AUP1: variants seen among roughly 807,000 people sequenced by gnomAD.
AUP1 encodes the protein lipid droplet-regulating VLDL assembly factor AUP1.
A neutral mutation model predicts 51.8 loss-of-function variants in AUP1; 30 were observed. The observed-to-expected ratio is 0.58, with a 90% CI of 0.43 to 0.79. The LOEUF (loss-of-function observed/expected upper bound fraction) is 0.79. Among genes scored for constraint, AUP1 ranks in the 30% least tolerant of loss-of-function variants. AUP1 has a pLI of 0.00. For synonymous variants in AUP1, 227 were observed against 209.0 expected (o/e 1.09, Z -0.74); for missense variants, 492 against 517.1 (o/e 0.95, Z 0.47).
chr2:74,526,656 A>G lies in AUP1; in HGVS notation c.*144T>C. The G allele has an allele frequency of 9.3e-7, 1 of 1,077,462 alleles. No homozygotes were observed. Among genetic ancestry groups the G allele is most frequent in the South Asian group, 1.8e-5 (1 of 54,156 alleles). 66.7% of individuals were successfully genotyped at this position (1,077,462 alleles called of 1,614,324 possible). A position where few individuals can be genotyped will look rare whatever the true frequency, so the allele number is the denominator to read the frequency against. Reference sequence around the variant, plus strand: ...CCGAGAGAGACAACAGATGCCTTGAATGAAAACCATGAATTTAATGTGACA... The same window carrying G: ...CCGAGAGAGACAACAGATGCCTTGAGTGAAAACCATGAATTTAATGTGACA... On this transcript the variant is annotated 3_prime_UTR_variant, in exon 12 of 12. Transcript: ENST00000377526.
At chr2:74,527,179 G>A (rs1323582393) in intron 10 of AUP1, 69 bp downstream of exon 10, 4 of 1,599,336 alleles carry the variant, frequency 2.5e-6, no homozygotes, top group Non-Finnish European at 3.4e-6. Flanking sequence ...AAAGGTCAGG[G>A]ATAAGGGAGT....
chr2:74,526,812 C>T lies in AUP1; in HGVS notation c.1221G>A (p.Gln407=), dbSNP rs1675208172. Residue 407 remains glutamine (Q), a synonymous_variant, in exon 12 of 12, where the codon CAG becomes CAA. Transcript: ENST00000377526. The stretch of plus-strand genomic sequence containing the variant: ...TGTTCCTTTGAGCTCAGTCAGCCTC[C>T]TGGGCTCGTCTCTCTGTGAATCTCC... ...ARRRFTERRA[Q]EAD 1 of 1,547,094 alleles carries T rather than the reference C, an allele frequency of 6.5e-7. No homozygotes were observed. Among genetic ancestry groups the T allele is most frequent in the African/African-American group, 1.4e-5 (1 of 72,944 alleles).
chr2:74,529,234 C>T lies in AUP1; in HGVS notation c.237G>A (p.Gln79=). 1 of 1,614,224 alleles carries T rather than the reference C, an allele frequency of 6.2e-7. No homozygotes were observed. Among genetic ancestry groups the T allele is most frequent in the African/African-American group, 1.3e-5 (1 of 75,070 alleles). Residue 79 remains glutamine (Q), a synonymous_variant, in exon 3 of 12, where the codon CAG becomes CAA. Transcript: ENST00000377526. ...MCAVLGLVAR[Q]EDSGLRDHSV... Reference sequence around the variant, plus strand: ...TGTGATCCCGGAGTCCGGAGTCCTCCTGCCGGGCCACGAGCCCTAGCACCG... The same window carrying T: ...TGTGATCCCGGAGTCCGGAGTCCTCTTGCCGGGCCACGAGCCCTAGCACCG...
At position 74,529,168 on chromosome 2, in the gene AUP1, G is replaced by A. The variant is rs2104359389; in HGVS notation, c.303C>T (p.Asp101=). The A allele has an allele frequency of 6.2e-7, 1 of 1,614,232 alleles. No individual in the cohort carries two copies. The change falls in exon 3 of 12, where the codon GAC becomes GAT. Residue 101 remains aspartate, a synonymous_variant. Coordinates refer to ENST00000377526, the MANE Select transcript of AUP1 (RefSeq NM_181575.5). ...VLISNHVTPF[D]HNIVNLLTTC... ...TGGTAAGCAAATTGACTATGTTGTG[G>A]TCGAAAGGTGTCACATGGTTGGAAA...
chr2:74,527,006 C>G lies in AUP1; in HGVS notation c.1131G>C (p.Lys377Asn). The part of the protein sequence containing the change: ...TPQPTALTFA[K>N]SSWARQESLQ... ...GGCTCTCCTGCCGGGCCCAGGAAGA[C>G]TTGGCAAATGTTAGGGCTGTTGGCT... is the stretch of plus-strand genomic sequence containing the variant. The change falls in exon 11 of 12, where the codon AAG becomes AAC. Residue 377 changes from lysine to asparagine, a missense_variant. Lys to Asn is a moderately conservative substitution (Grantham distance 94). Transcript: ENST00000377526. 3 of 1,614,156 alleles carry G rather than the reference C, an allele frequency of 1.9e-6. No individual in the cohort carries two copies. The highest frequency in any genetic ancestry group is 2.5e-6 in the Non-Finnish European group (3 of 1,180,032).
Position 74,529,655 on chromosome 2 carries a change from C to A in AUP1, c.-26G>T, listed in dbSNP as rs1436047454. 1 of 1,546,602 alleles carries A rather than the reference C, an allele frequency of 6.5e-7. No homozygotes were observed. Among genetic ancestry groups the A allele is most frequent in the Non-Finnish European group, 8.7e-7 (1 of 1,148,336 alleles). ...AACTGCTGCTTCAGGAGCGCCCGGC[C>A]GTCGCCGCCGCCGCCATTTTCGCGC... On this transcript the variant is annotated 5_prime_UTR_variant, in exon 1 of 12. Transcript: ENST00000377526.
In AUP1 at chr2:74,526,734, G is replaced by A. The variant is rs1675204128; in HGVS notation, c.*66C>T. The A allele has an allele frequency of 3.4e-6, 5 of 1,488,402 alleles. No individual in the cohort carries two copies. In the South Asian group the frequency reaches 6.9e-5, roughly 20 times the overall value. 92.2% of individuals were successfully genotyped at this position (1,488,402 alleles called of 1,614,324 possible). The stretch of plus-strand genomic sequence containing the variant: ...ACCACCCACCCATCCAGCCTGTTGT[G>A]AGTTGGGTGAGGGCTGCCCCCAGTC... On this transcript the variant is annotated 3_prime_UTR_variant, in exon 12 of 12. Coordinates refer to ENST00000377526, the MANE Select transcript of AUP1 (RefSeq NM_181575.5).
rs777964822 is a variant in AUP1, at chr2:74,527,950, C to G, written c.728G>C (p.Arg243Pro). 1.2e-6 allele frequency: 2 copies of G among 1,614,078 alleles called. No homozygotes were observed. ...TGTGCACCCGACCACCTGTTGTACA[C>G]GGAGTGCAAACTCCTCATTCGCTTC... is the stretch of plus-strand genomic sequence containing the variant. Reference protein sequence around the residue: ...LGEANEEFALRVQQLVAKELG... With the variant: ...LGEANEEFALPVQQLVAKELG... Residue 243 changes from arginine (R) to proline (P), a missense_variant, in exon 7 of 12, where the codon CGT (arginine) becomes CCT (proline). Arg to Pro is a moderately radical substitution (Grantham distance 103). Coordinates refer to ENST00000377526, the MANE Select transcript of AUP1 (RefSeq NM_181575.5).
chr2:74,526,943 T>G lies in AUP1; in HGVS notation c.1194A>C (p.Arg398Ser). 1 of 1,614,028 alleles carries G rather than the reference T, an allele frequency of 6.2e-7. No homozygotes were observed. The highest frequency in any genetic ancestry group is 8.5e-7 in the Non-Finnish European group (1 of 1,179,894). Residue 398 changes from arginine to serine, a missense_variant and splice_region_variant, in exon 11 of 12, where the codon AGA becomes AGC. Arg to Ser is a moderately radical substitution (Grantham distance 110, BLOSUM62 -1). Coordinates refer to ENST00000377526, the MANE Select transcript of AUP1 (RefSeq NM_181575.5). Reference protein sequence around the residue: ...ERKQALYEYARRRFTERRAQE... With the variant: ...ERKQALYEYASRRFTERRAQE... The stretch of plus-strand genomic sequence containing the variant: ...TAATTGTCCTCTAACCCCCTCACCT[T>G]CTTGCGTATTCATATAGTGCTTGCT...
chr2:74,528,600 G>A (rs1675318410), intron 4 of AUP1, 111 bp from the exon 5 acceptor site: 1 of 1,386,046 alleles, frequency 7.2e-7, no homozygotes, highest in East Asian at 2.4e-5. Flanking sequence ...ATTGAAGAAT[G>A]AAGGGATTCA....
chr2:74,528,651 A>C (rs10779958), intron 4 of AUP1, 100 bp downstream of exon 4: 298,367 of 1,425,506 alleles, frequency 0.21, 49,073 homozygotes, highest in East Asian at 0.84. Context: ...AATGAACTGG[A>C]GATGATGGGG....
At chr2:74,528,088 A>T in intron 6 of AUP1, 82 bp from the exon 7 acceptor site, 2 of 1,543,274 alleles carry the variant, frequency 1.3e-6, no homozygotes, top group East Asian at 4.5e-5. Flanking sequence ...ACCTCTTTGC[A>T]TGGTGGGTGG....
At position 74,527,231 on chromosome 2, in the gene AUP1, C is replaced by T. The variant is rs1414641035; in HGVS notation, c.1077+17G>A. 2 of 1,610,974 alleles carry T rather than the reference C, an allele frequency of 1.2e-6. No homozygotes were observed. The highest frequency in any genetic ancestry group is 1.3e-5 in the African/African-American group (1 of 74,880). On this transcript the variant is annotated intron_variant, in intron 10 of 11. Transcript: ENST00000377526. Reference sequence around the variant, plus strand: ...ACTCACCCCAACACTTGGATCTGACCATTTCCTGGGTCTCACCTTGGAGGC... The same window carrying T: ...ACTCACCCCAACACTTGGATCTGACTATTTCCTGGGTCTCACCTTGGAGGC...
chr2:74,528,232 T>G lies in AUP1; in HGVS notation c.671+16A>C. 15 of 1,611,566 alleles carry G rather than the reference T, an allele frequency of 9.3e-6. No individual in the cohort carries two copies. The highest frequency in any genetic ancestry group is 1.3e-5 in the Non-Finnish European group (15 of 1,177,834). On this transcript the variant is annotated intron_variant, in intron 6 of 11. Coordinates refer to ENST00000377526, the MANE Select transcript of AUP1 (RefSeq NM_181575.5). ...GAGCCTCTCCCCAGCGACCAAAATG[T>G]GAGGACAGTTAATACCTTACTTGAT...
chr2:74,527,805 G>T lies in AUP1; in HGVS notation c.772C>A (p.Arg258=). Residue 258 remains arginine, a synonymous_variant, in exon 8 of 12, where the codon CGG becomes AGG. Coordinates refer to ENST00000377526, the MANE Select transcript of AUP1 (RefSeq NM_181575.5). ...VAKELGQTGT[R]LTPADKAEHM... The stretch of plus-strand genomic sequence containing the variant: ...TCTGCTTTGTCAGCTGGAGTGAGCC[G>T]TGTCCCTGTCTGGCCCAATTCCTTG... 5 of 1,614,084 alleles carry T rather than the reference G, an allele frequency of 3.1e-6. No homozygotes were observed. Among genetic ancestry groups the T allele is most frequent in the Non-Finnish European group, 4.2e-6 (5 of 1,180,008 alleles).
chr2:74,529,208 CTG>C lies in AUP1; in HGVS notation c.261_262del (p.His87GlnfsTer25). ...ATGGTTGGAAATGAGGACCCTGACA[CTG>C]TGATCCCGGAGTCCGGAGTCCTCCT... On this transcript the variant is annotated frameshift_variant, in exon 3 of 12. Coordinates refer to ENST00000377526, the MANE Select transcript of AUP1 (RefSeq NM_181575.5). LOFTEE classifies it high-confidence loss of function. 2 of 1,614,224 alleles carry C rather than the reference CTG, an allele frequency of 1.2e-6. No individual in the cohort carries two copies. Among genetic ancestry groups the C allele is most frequent in the Non-Finnish European group, 1.7e-6 (2 of 1,180,032 alleles).
At position 74,527,569 on chromosome 2, in the gene AUP1, G is replaced by A. The variant is rs775600735; in HGVS notation, c.863C>T (p.Ser288Phe). The change falls in exon 9 of 12, where the codon TCC (serine) becomes TTC (phenylalanine). Residue 288 changes from serine to phenylalanine, a missense_variant. Coordinates refer to ENST00000377526, the MANE Select transcript of AUP1 (RefSeq NM_181575.5). ...PQSAQSSFPP[S>F]PGPSPDVQLA... ...TTGCACATCAGGAGAAGGACCAGGGGAGGGAGGGAAAGAAGACTGGGCTGT... is the reference window on the plus strand; with the variant it reads ...TTGCACATCAGGAGAAGGACCAGGGAAGGGAGGGAAAGAAGACTGGGCTGT... 6.2e-7 allele frequency: 1 copy of A among 1,610,544 alleles called. No individual in the cohort carries two copies. The highest frequency in any genetic ancestry group is 1.1e-5 in the South Asian group (1 of 90,396).
chr2:74,528,680 T>A (rs905919549), intron 4 of AUP1, 71 bp downstream of exon 4: 1 of 1,511,432 alleles, frequency 6.6e-7, no homozygotes, highest in African/African-American at 1.4e-5. Context: ...CCGAAGAAAG[T>A]TGTAAAAACT....
chr2:74,528,390 G>A, intron 5 of AUP1, 27 bp downstream of exon 5: 1 of 1,612,448 alleles, frequency 6.2e-7, no homozygotes, highest in Non-Finnish European at 8.5e-7. Flanking sequence ...TCAAGCCCCA[G>A]AGATTCCCTG....
Sources: gnomAD v4.1 joint callset for allele counts on GRCh38, gnomAD v4.1.1 for gene constraint, MANE v1.5 for transcripts, NCBI Gene and HGNC (gene_info 2026-07-23, HGNC 2026-07-21) for gene names.